Variants in PDSS2 observed in about 807,000 individuals in gnomAD.
The protein encoded by PDSS2 is decaprenyl diphosphate synthase subunit 2.
In PDSS2, 31 loss-of-function variants were observed where a neutral mutation model predicts 44.5. The observed-to-expected ratio is 0.70, with a 90% CI of 0.52 to 0.94. The LOEUF (loss-of-function observed/expected upper bound fraction) is 0.94, where lower values mean the gene tolerates loss of function less well. PDSS2 is among the 40% of genes least tolerant of loss of function. The pLI is 0.00. For missense variants in PDSS2, 452 were observed against 482.2 expected, an observed-to-expected ratio of 0.94 and a Z score of 0.59; for synonymous variants, 157 against 180.3, an observed-to-expected ratio of 0.87 and a Z score of 1.03.
chr6:107,373,764 A>G (rs900090609), intron 1 of PDSS2, among the ~76,000 whole-genome samples: 33 of 152,216 alleles, frequency 2.2e-4, no homozygotes, highest in African/African-American at 7.7e-4. Context: ...CACAGAAGCT[A>G]CGGTTCTGGC....
chr6:107,400,651 C>T (rs968431312), intron 1 of PDSS2, among the ~76,000 whole-genome samples: 1 of 152,158 alleles, frequency 6.6e-6, no homozygotes, highest in Non-Finnish European at 1.5e-5. Flanking sequence ...ACGTGCTAAG[C>T]TGTGGAGCTC....
chr6:107,180,841 CT>C (rs1239816581), intron 7 of PDSS2, among the ~76,000 whole-genome samples: 5 of 152,050 alleles, frequency 3.3e-5, no homozygotes, highest in African/African-American at 9.7e-5. Flanking sequence ...TATTCATTTA[CT>C]TTTTATTTAT....
intron 1 of PDSS2, among the ~76,000 whole-genome samples, chr6:107,341,824 G>GT: frequency 6.6e-6 from 1 of 152,082 alleles, no homozygotes. Context: ...AATAAAAATG[G>GT]TAACAATATA....
intron 1 of PDSS2, among the ~76,000 whole-genome samples, chr6:107,432,867 C>T (rs1469432304): frequency 6.6e-6 from 1 of 152,140 alleles, no homozygotes; most frequent in African/African-American, 2.4e-5. Context: ...GACACTAGAA[C>T]TTATTCTTCC....
rs1314690657 is a variant in PDSS2 at position 107,154,688 on chromosome 6, C to T, written c.1131G>A (p.Glu377=). 3.1e-6 allele frequency: 5 copies of T among 1,613,984 alleles called. No homozygotes were observed. Among genetic ancestry groups the T allele is most frequent in the African/African-American group, 2.7e-5 (2 of 74,922 alleles). The change falls in exon 8 of 8, where the codon GAG becomes GAA. Residue 377 remains glutamate, a synonymous_variant. Coordinates refer to ENST00000369037, the MANE Select transcript of PDSS2 (RefSeq NM_020381.4). ...YHGNKALEAL[E]SFPPSEARSA... is the part of the protein sequence containing the mutation. The stretch of plus-strand genomic sequence containing the variant: ...ATCTGGCCTCCGAGGGAGGAAAGCT[C>T]TCCAGGGCCTCCAGTGCCTTGTTTC...
intron 4 of PDSS2, among the ~76,000 whole-genome samples, chr6:107,216,639 G>C (rs969299953): frequency 4.6e-5 from 7 of 152,142 alleles, no homozygotes; most frequent in Non-Finnish European, 8.8e-5. Context: ...AAGATAGTAA[G>C]ATCCAACCTC....
intron 4 of PDSS2, among the ~76,000 whole-genome samples, chr6:107,221,068 C>A (rs563301747): frequency 1.3e-5 from 2 of 152,256 alleles, no homozygotes; most frequent in Admixed American, 1.3e-4. Flanking sequence ...TCAGGACGGG[C>A]GCGGTGGCTC....
chr6:107,194,948 C>T (rs1290186615), intron 6 of PDSS2, among the ~76,000 whole-genome samples: 1 of 151,012 alleles, frequency 6.6e-6, no homozygotes, highest in Non-Finnish European at 1.5e-5. Context: ...AGCAAGACTC[C>T]ATCTCAAAAA....
At chr6:107,405,303 GA>G (rs2114618001) in intron 1 of PDSS2, among the ~76,000 whole-genome samples, 1 of 152,118 alleles carries the variant, frequency 6.6e-6, no homozygotes, top group South Asian at 2.1e-4. Flanking sequence ...ACATGGAAAC[GA>G]AAGGTGATAC....
At chr6:107,378,265 A>G (rs1670543262) in intron 1 of PDSS2, among the ~76,000 whole-genome samples, 1 of 150,560 alleles carries the variant, frequency 6.6e-6, no homozygotes, top group Non-Finnish European at 1.5e-5. Context: ...TAGATCTTTC[A>G]GCAGGTATAA....
At chr6:107,347,729 T>C (rs946283081) in intron 1 of PDSS2, among the ~76,000 whole-genome samples, 120 of 152,334 alleles carry the variant, frequency 7.9e-4, no homozygotes, top group African/African-American at 2.7e-3. Flanking sequence ...TATATGTTTT[T>C]ATTTCCAGGA....
chr6:107,296,032 C>T (rs1012276200), intron 2 of PDSS2, among the ~76,000 whole-genome samples: 1 of 152,142 alleles, frequency 6.6e-6, no homozygotes, highest in African/African-American at 2.4e-5. Flanking sequence ...CTAAGCAAAG[C>T]TGGGTCGTGG....
intron 7 of PDSS2, among the ~76,000 whole-genome samples, chr6:107,177,435 C>A (rs1181466731): frequency 6.6e-6 from 1 of 152,112 alleles, no homozygotes; most frequent in East Asian, 1.9e-4. Context: ...CCATGCGCAG[C>A]CTGTAATTCT....
At chr6:107,376,206 G>A (rs1054190665) in intron 1 of PDSS2, among the ~76,000 whole-genome samples, 1 of 152,074 alleles carries the variant, frequency 6.6e-6, no homozygotes, top group African/African-American at 2.4e-5. Flanking sequence ...GATGCCTCCA[G>A]CTTTGTTCTT....
intron 6 of PDSS2, among the ~76,000 whole-genome samples, chr6:107,207,733 CT>C: frequency 6.6e-6 from 1 of 151,362 alleles, no homozygotes; most frequent in East Asian, 2.0e-4. Context: ...CCTCAGCCTC[CT>C]GAGTAGCTGG....
At chr6:107,331,961 A>G (rs1249525138) in intron 2 of PDSS2, among the ~76,000 whole-genome samples, 1 of 152,072 alleles carries the variant, frequency 6.6e-6, no homozygotes, top group Non-Finnish European at 1.5e-5. Flanking sequence ...GAAAACAGAG[A>G]TATATGGGAT....
intron 1 of PDSS2, among the ~76,000 whole-genome samples, chr6:107,349,516 A>G (rs984294208): frequency 6.6e-6 from 1 of 152,140 alleles, no homozygotes; most frequent in Non-Finnish European, 1.5e-5. Context: ...TGGGAGGCCG[A>G]GGCGGATGGA....
chr6:107,429,886 A>G (rs1355264289), intron 1 of PDSS2, among the ~76,000 whole-genome samples: 1 of 29,096 alleles, frequency 3.4e-5, no homozygotes, highest in Admixed American at 4.0e-4. Flanking sequence ...CTTAGTCTCA[A>G]AAAAAAAAAA....
chr6:107,341,880 A>G (rs1010613893), intron 1 of PDSS2, among the ~76,000 whole-genome samples: 2 of 152,154 alleles, frequency 1.3e-5, no homozygotes, highest in African/African-American at 4.8e-5. Flanking sequence ...GCTGTTTTAC[A>G]TGCATATGCT....
Sources: allele counts gnomAD v4.1 joint callset (sites outside exome capture counted in the v4.1 genomes callset), GRCh38; gene constraint gnomAD v4.1.1; transcripts MANE v1.5; gene names NCBI Gene and HGNC (gene_info 2026-07-23, HGNC 2026-07-21).